PLA2G6: variants seen among roughly 807,000 people sequenced by gnomAD.
The protein encoded by PLA2G6 is 85/88 kDa calcium-independent phospholipase A2.
In PLA2G6, 62 loss-of-function variants were observed where a neutral mutation model predicts 83.8. The observed-to-expected ratio is 0.74, with a 90% CI of 0.60 to 0.91. The LOEUF (loss-of-function observed/expected upper bound fraction) is 0.91. PLA2G6 is among the 40% of genes least tolerant of loss of function. The probability of loss-of-function intolerance (pLI) is 0.00; values close to 1 mark genes in which losing one functional copy is unlikely to be tolerated. For synonymous variants in PLA2G6, 417 were observed against 449.8 expected (o/e 0.93, Z 0.92); for missense variants, 944 against 1,102.0 (o/e 0.86, Z 2.03).
At chr22:38,177,963 C>T (rs915768791) in intron 1 of PLA2G6, among the ~76,000 whole-genome samples, 1 of 152,176 alleles carries the variant, frequency 6.6e-6, no homozygotes, top group Non-Finnish European at 1.5e-5. Context: ...GCTTGCTCAA[C>T]AGGCTCTTAG....
chr22:38,164,168 G>A (rs748837549), intron 2 of PLA2G6, among the ~76,000 whole-genome samples: 1 of 152,290 alleles, frequency 6.6e-6, no homozygotes, highest in East Asian at 1.9e-4. Context: ...TATTACAAGT[G>A]ACCCCTGGGG....
At chr22:38,140,443 G>A in intron 4 of PLA2G6, 1 of 422,712 alleles carries the variant, frequency 2.4e-6, no homozygotes, top group Non-Finnish European at 4.5e-6. Flanking sequence ...AGGAGGCAGA[G>A]GTTGCAGTGA....
chr22:38,175,250 C>T (rs1409137382), intron 1 of PLA2G6, among the ~76,000 whole-genome samples: 3 of 152,298 alleles, frequency 2.0e-5, no homozygotes, highest in South Asian at 2.1e-4. Context: ...GGCCCAGCTG[C>T]CCCCTCTGAA....
intron 5 of PLA2G6, chr22:38,139,017 TC>T (rs1049968318): frequency 6.6e-6 from 1 of 152,174 alleles, no homozygotes; most frequent in Non-Finnish European, 1.5e-5. Flanking sequence ...TTTTATCTCA[TC>T]CCCTACCCCT....
intron 13 of PLA2G6, 98 bp from the exon 14 acceptor site, chr22:38,115,779 G>T: frequency 6.7e-7 from 1 of 1,499,144 alleles, no homozygotes; most frequent in Non-Finnish European, 8.9e-7. Flanking sequence ...GGCTGGGGGT[G>T]CGGGAAGAGG....
At chr22:38,126,092 G>T (rs559667475) in intron 10 of PLA2G6, 32 of 495,382 alleles carry the variant, frequency 6.5e-5, no homozygotes, top group Non-Finnish European at 1.1e-4. Context: ...GCCATAAGGA[G>T]ATCAGGGAGG....
intron 2 of PLA2G6, chr22:38,147,436 GA>G (rs2089322556): frequency 5.9e-6 from 1 of 169,168 alleles, no homozygotes; most frequent in African/African-American, 2.4e-5. Flanking sequence ...TTGTTCCACA[GA>G]GAGTGCGTTG....
chr22:38,117,254 T>G (rs1481498114), intron 12 of PLA2G6, among the ~76,000 whole-genome samples: 1 of 152,212 alleles, frequency 6.6e-6, no homozygotes, highest in Non-Finnish European at 1.5e-5. Flanking sequence ...TTGCCCAGGC[T>G]GTAGTACAGT....
intron 1 of PLA2G6, among the ~76,000 whole-genome samples, chr22:38,170,372 G>T (rs1024552963): frequency 1.3e-5 from 2 of 152,024 alleles, no homozygotes; most frequent in African/African-American, 4.8e-5. Flanking sequence ...GTTTCCCAAA[G>T]AGCTCCGAGA....
At chr22:38,148,060 G>C in intron 2 of PLA2G6, 1 of 189,276 alleles carries the variant, frequency 5.3e-6, no homozygotes, top group South Asian at 7.7e-5. Flanking sequence ...TCAACATCAG[G>C]GTACTCCACA....
intron 9 of PLA2G6, 99 bp from the exon 10 acceptor site, chr22:38,126,548 G>T: frequency 1.2e-6 from 1 of 831,054 alleles, no homozygotes; most frequent in Non-Finnish European, 2.0e-6. Flanking sequence ...CCTCGCCCAC[G>T]GCCACGCCCT....
chr22:38,171,664 T>C (rs133000), intron 1 of PLA2G6, among the ~76,000 whole-genome samples: 16,604 of 151,486 alleles, frequency 0.11, 1,072 homozygotes, highest in African/African-American at 0.16. Context: ...ACTAAAAATA[T>C]AAAAAAATTA....
chr22:38,170,945 C>T (rs132994), intron 1 of PLA2G6, among the ~76,000 whole-genome samples: 17,582 of 151,994 alleles, frequency 0.12, 1,232 homozygotes, highest in African/African-American at 0.18. Flanking sequence ...CCGACTCGGG[C>T]GGATCACCTG....
At position 38,117,443 on chromosome 22, in the gene PLA2G6, C is replaced by T. The variant is rs2087275963; in HGVS notation, c.1743-1232G>A. Among the ~76,000 whole-genome samples the T allele has an allele frequency of 3.3e-5, 5 of 152,140 alleles. No individual in the cohort carries two copies. The South Asian group carries it at 1.0e-3, about 32-fold the overall frequency. On this transcript the variant is annotated intron_variant, in intron 12 of 16. Coordinates refer to ENST00000332509, the MANE Select transcript of PLA2G6 (RefSeq NM_003560.4). Reference sequence around the variant, plus strand: ...ATCTCCTGACCTCATGATCCGCCCACCTCGGCCTCCCAAAGTGCTGGGATT... The same window carrying T: ...ATCTCCTGACCTCATGATCCGCCCATCTCGGCCTCCCAAAGTGCTGGGATT...
In PLA2G6 at chr22:38,123,265, T is replaced by A; in HGVS notation, c.1428-7A>T. The A allele has an allele frequency of 6.4e-7, 1 of 1,557,420 alleles. No homozygotes were observed. The highest frequency in any genetic ancestry group is 1.7e-4 in the Middle Eastern group (1 of 5,940). On this transcript the variant is annotated splice_polypyrimidine_tract_variant and splice_region_variant and intron_variant, in intron 10 of 16. Transcript: ENST00000332509. The surrounding 1 kb of genome is among the most constrained non-coding windows in gnomAD (Gnocchi z 4.1). ...GCACAGCAGGTGGTCGTGGCTGCAG[T>A]GGGAACAGCAGTGGGAGAGAGGAGG...
rs779738529 is a variant in PLA2G6 at position 38,128,819 on chromosome 22, C to A, written c.1187-389G>T. Among the ~76,000 whole-genome samples, 1 of 152,266 alleles carries A rather than the reference C, an allele frequency of 6.6e-6. No individual in the cohort carries two copies. The highest frequency in any genetic ancestry group is 1.5e-5 in the Non-Finnish European group (1 of 68,046). ...TGAGCCAGCCAGGGGGCACCTACTC[C>A]ATTTGATGGATGGGATTGCTGAAAA... On this transcript the variant is annotated intron_variant, in intron 8 of 16. Coordinates refer to ENST00000332509, the MANE Select transcript of PLA2G6 (RefSeq NM_003560.4). The surrounding 1 kb of genome is among the most constrained non-coding windows in gnomAD (Gnocchi z 4.4).
intron 1 of PLA2G6, among the ~76,000 whole-genome samples, chr22:38,172,260 C>A (rs1256114415): frequency 3.3e-5 from 5 of 152,156 alleles, no homozygotes; most frequent in Admixed American, 3.3e-4. Flanking sequence ...AGTCACGGGC[C>A]CAGGGTCACC....
rs139093920 is a variant in PLA2G6, at chr22:38,112,241, C to T, written c.2341G>A (p.Ala781Thr). ...DEVSDTVLVN[A>T]LWETEVYIYE... Reference sequence around the variant, plus strand: ...ATGTAGACCTCGGTCTCCCAGAGGGCGTTGACCAGCACTGTGTCACTGACC... The same window carrying T: ...ATGTAGACCTCGGTCTCCCAGAGGGTGTTGACCAGCACTGTGTCACTGACC... Residue 781 changes from alanine (A) to threonine (T), a missense_variant, in exon 17 of 17, where the codon GCC becomes ACC. By Grantham distance (58) the Ala-to-Thr change is moderately conservative. Transcript: ENST00000332509. The T allele has an allele frequency of 1.3e-5, 21 of 1,613,136 alleles. No homozygotes were observed. Among genetic ancestry groups the T allele is most frequent in the African/African-American group, 4.0e-5 (3 of 74,908 alleles).
intron 12 of PLA2G6, among the ~76,000 whole-genome samples, chr22:38,120,494 G>A (rs1428585359): frequency 2.6e-5 from 4 of 151,676 alleles, no homozygotes; most frequent in Admixed American, 2.6e-4. Context: ...GGCAGAGCCG[G>A]CAGGGCAGAG....
Sources: allele counts gnomAD v4.1 joint callset (sites outside exome capture counted in the v4.1 genomes callset), GRCh38; gene constraint gnomAD v4.1.1; non-coding constraint Gnocchi (gnomAD v3.1); transcripts MANE v1.5; gene names NCBI Gene and HGNC (gene_info 2026-07-23, HGNC 2026-07-21).